The following AUTS2 variants were observed in gnomAD, a reference collection of about 807,000 sequenced individuals.
AUTS2 encodes the protein autism susceptibility gene 2 protein.
Under a neutral mutation model 112.4 loss-of-function variants are expected in AUTS2, and 17 were observed. The ratio of observed to expected loss-of-function variants is 0.15; its 90% CI spans 0.10 to 0.23. The LOEUF is 0.23. AUTS2 is among the 10% of genes least tolerant of loss of function. AUTS2 has a pLI of 1.00. For synonymous variants in AUTS2, 751 were observed against 702.7 expected (o/e 1.07, Z -1.09); for missense variants, 1,510 against 1,701.6 (o/e 0.89, Z 1.98).
chr7:70,429,047 G>T (rs561957353), intron 4 of AUTS2, among the ~76,000 whole-genome samples: 13 of 152,168 alleles, frequency 8.5e-5, no homozygotes, highest in Non-Finnish European at 1.5e-4. Flanking sequence ...CCAACTCTAG[G>T]CTCTGCTAAC....
intron 3 of AUTS2, among the ~76,000 whole-genome samples, chr7:70,125,827 C>A (rs1805942978): frequency 2.0e-5 from 3 of 152,172 alleles, no homozygotes; most frequent in Admixed American, 2.0e-4. Context: ...CTAAAAACTC[C>A]TGTTTCATAC....
At chr7:70,578,181 T>C (rs1802262292) in intron 5 of AUTS2, among the ~76,000 whole-genome samples, 1 of 152,176 alleles carries the variant, frequency 6.6e-6, no homozygotes, top group African/African-American at 2.4e-5. Flanking sequence ...AATATGAAAA[T>C]AATTTGCAGA....
chr7:70,048,873 C>T (rs186227642), intron 2 of AUTS2, among the ~76,000 whole-genome samples: 226 of 152,276 alleles, frequency 1.5e-3, no homozygotes, highest in South Asian at 5.0e-3. Context: ...TTAAATTGTA[C>T]GTACCCAAAA....
At chr7:70,662,128 C>G (rs765135616) in intron 5 of AUTS2, among the ~76,000 whole-genome samples, 1 of 152,258 alleles carries the variant, frequency 6.6e-6, no homozygotes, top group South Asian at 2.1e-4. Flanking sequence ...TGCGCTGACA[C>G]AGCTGTCCCT....
chr7:70,473,370 A>C (rs1797463630), intron 5 of AUTS2, among the ~76,000 whole-genome samples: 1 of 152,146 alleles, frequency 6.6e-6, no homozygotes, highest in Non-Finnish European at 1.5e-5. Context: ...TCCTCTGTTT[A>C]TGGGCAGCCA....
At chr7:69,721,744 T>TA (rs1798955832) in intron 1 of AUTS2, among the ~76,000 whole-genome samples, 1 of 152,194 alleles carries the variant, frequency 6.6e-6, no homozygotes, top group African/African-American at 2.4e-5. Flanking sequence ...TCTTGAATGA[T>TA]AAAGAGGAGT....
chr7:69,723,756 A>G (rs1214474446), intron 1 of AUTS2, among the ~76,000 whole-genome samples: 1 of 152,234 alleles, frequency 6.6e-6, no homozygotes, highest in African/African-American at 2.4e-5. Context: ...GCAGAGTGCT[A>G]GAAATGATTC....
intron 4 of AUTS2, among the ~76,000 whole-genome samples, chr7:70,337,775 T>A (rs1791062971): frequency 6.6e-6 from 1 of 152,234 alleles, no homozygotes; most frequent in South Asian, 2.1e-4. Flanking sequence ...CATGTTAACA[T>A]GTGTGTTCAC....
chr7:70,568,563 A>G lies in AUTS2; in HGVS notation c.691-130006A>G, dbSNP rs146170124. 3.9e-4 allele frequency among the ~76,000 whole-genome samples: 60 copies of G among 152,294 alleles called. No homozygotes were observed. The East Asian group carries it at 9.5e-3, about 24-fold the overall frequency. ...AAAAAAAATCACTTGCCTCATCCCC[A>G]TCTTCTCCATCGCAGTGAGGACTGT... is the stretch of plus-strand genomic sequence containing the variant. On this transcript the variant is annotated intron_variant, in intron 5 of 18. Coordinates refer to ENST00000342771, the MANE Select transcript of AUTS2 (RefSeq NM_015570.4).
chr7:69,991,645 T>C (rs1798745839), intron 2 of AUTS2, among the ~76,000 whole-genome samples: 1 of 152,156 alleles, frequency 6.6e-6, no homozygotes, highest in South Asian at 2.1e-4. Context: ...TTCTGGGAGC[T>C]TAGATAAGTT....
At chr7:70,117,788 G>T (rs868653102) in intron 2 of AUTS2, among the ~76,000 whole-genome samples, 2 of 149,288 alleles carry the variant, frequency 1.3e-5, no homozygotes, top group Admixed American at 1.3e-4. Context: ...TAACGCTGTC[G>T]CCCAGTCTGG....
At chr7:70,060,716 G>T (rs974786011) in intron 2 of AUTS2, among the ~76,000 whole-genome samples, 1 of 152,194 alleles carries the variant, frequency 6.6e-6, no homozygotes, top group African/African-American at 2.4e-5. Flanking sequence ...CTTCCGGCAT[G>T]GAAGGTGTCT....
chr7:69,876,761 C>T (rs1403912277), intron 1 of AUTS2, among the ~76,000 whole-genome samples: 1 of 151,824 alleles, frequency 6.6e-6, no homozygotes, highest in African/African-American at 2.4e-5. Context: ...TTTTCCAGTA[C>T]ATTGACCTAG....
intron 2 of AUTS2, among the ~76,000 whole-genome samples, chr7:70,067,868 C>G (rs1416924210): frequency 1.3e-5 from 2 of 151,132 alleles, no homozygotes; most frequent in Admixed American, 1.3e-4. Flanking sequence ...AAAAAAAAAC[C>G]TGGAAAAAGA....
At chr7:69,869,775 A>C (rs975022122) in intron 1 of AUTS2, among the ~76,000 whole-genome samples, 2 of 152,184 alleles carry the variant, frequency 1.3e-5, no homozygotes, top group African/African-American at 4.8e-5. Context: ...GGGAAACAAC[A>C]TTATTGTCTA....
intron 2 of AUTS2, among the ~76,000 whole-genome samples, chr7:69,948,006 ACT>A (rs1796882278): frequency 1.3e-5 from 2 of 152,104 alleles, no homozygotes; most frequent in Non-Finnish European, 2.9e-5. Context: ...TTAAGTTTTT[ACT>A]CTGTTATTAT....
chr7:69,678,954 G>A (rs1796684839), intron 1 of AUTS2, among the ~76,000 whole-genome samples: 1 of 152,224 alleles, frequency 6.6e-6, no homozygotes, highest in African/African-American at 2.4e-5. Context: ...GGATGGGAAA[G>A]TATGTTTGGC....
chr7:69,788,362 G>A (rs1789469325), intron 1 of AUTS2, among the ~76,000 whole-genome samples: 1 of 152,150 alleles, frequency 6.6e-6, no homozygotes, highest in South Asian at 2.1e-4. Context: ...AAAGGAAGAA[G>A]GTGGAAGTTA....
intron 5 of AUTS2, among the ~76,000 whole-genome samples, chr7:70,562,776 C>A (rs1012095782): frequency 6.6e-6 from 1 of 152,030 alleles, no homozygotes; most frequent in Admixed American, 6.6e-5. Flanking sequence ...TGAAGCCATG[C>A]GTTATGAAGA....
Sources: gnomAD v4.1 joint callset for allele counts (sites outside exome capture counted in the v4.1 genomes callset) on GRCh38, gnomAD v4.1.1 for gene constraint, MANE v1.5 for transcripts, NCBI Gene and HGNC (gene_info 2026-07-23, HGNC 2026-07-21) for gene names.